DNAI3: variants seen among roughly 807,000 people sequenced by gnomAD.
DNAI3 encodes dynein axonemal intermediate chain 3, also known as WD repeat domain 63.
In DNAI3, 83 loss-of-function variants were observed where a neutral mutation model predicts 115.5. That is an observed-to-expected ratio of 0.72 (90% CI 0.60 to 0.86). The LOEUF is 0.86. DNAI3 is among the 40% of genes least tolerant of loss of function. The probability of loss-of-function intolerance (pLI) is 0.00; values close to 1 mark genes in which losing one functional copy is unlikely to be tolerated. For synonymous variants in DNAI3, 320 were observed against 347.0 expected (o/e 0.92, Z 0.86); for missense variants, 1,004 against 1,075.8 (o/e 0.93, Z 0.93).
intron 7 of DNAI3, among the ~76,000 whole-genome samples, 156 bp downstream of exon 7, chr1:85,086,186 A>G (rs531496512): frequency 3.3e-4 from 50 of 152,364 alleles, no homozygotes; most frequent in Non-Finnish European, 6.3e-4. Context: ...GGAAGATCTA[A>G]TTATATTCAA....
intron 8 of DNAI3, among the ~76,000 whole-genome samples, chr1:85,092,617 C>T (rs1655011156): frequency 6.6e-6 from 1 of 152,090 alleles, no homozygotes; most frequent in African/African-American, 2.4e-5. Flanking sequence ...GCCTGTCAAA[C>T]CAAGGTCCCT....
At chr1:85,070,296 C>T (rs1654229662) in intron 1 of DNAI3, among the ~76,000 whole-genome samples, 1 of 152,116 alleles carries the variant, frequency 6.6e-6, no homozygotes, top group East Asian at 1.9e-4. Flanking sequence ...TCCTGCCTTC[C>T]TAGGTAAAGT....
chr1:85,119,644 C>T (rs143570818), intron 17 of DNAI3, among the ~76,000 whole-genome samples: 1 of 152,246 alleles, frequency 6.6e-6, no homozygotes, highest in East Asian at 1.9e-4. Flanking sequence ...TATCTCTCTG[C>T]CTTATCTGCA....
Position 85,132,980 on chromosome 1 carries a change from A to G in DNAI3, c.2658A>G (p.Ser886=), listed in dbSNP as rs1172854639. Reference sequence around the variant, plus strand: ...TAATCAAAGTCACAGAGAAGGGGTCATACATGGAGGTGATGTAAAAAAGCT... The same window carrying G: ...TAATCAAAGTCACAGAGAAGGGGTCGTACATGGAGGTGATGTAAAAAAGCT... ...LGLIKVTEKG[S]YMEVM is the part of the protein sequence containing the mutation. The change falls in exon 23 of 23, where the codon TCA becomes TCG. Residue 886 remains serine (S), a synonymous_variant. Transcript: ENST00000294664. 1.2e-6 allele frequency: 2 copies of G among 1,613,054 alleles called. No homozygotes were observed. The highest frequency in any genetic ancestry group is 2.2e-5 in the East Asian group (1 of 44,778).
intron 13 of DNAI3, 95 bp from the exon 14 acceptor site, chr1:85,104,429 C>G: frequency 1.8e-6 from 2 of 1,132,444 alleles, no homozygotes. Flanking sequence ...CCGGTATGTT[C>G]TTTTATTAAC....
intron 3 of DNAI3, 29 bp downstream of exon 3, chr1:85,073,121 A>G (rs1377264514): frequency 6.7e-7 from 1 of 1,491,924 alleles, no homozygotes; most frequent in Admixed American, 2.0e-5. Flanking sequence ...TACAACTTAC[A>G]TCCTCAGTTT....
chr1:85,089,813 G>A (rs1654919450), intron 7 of DNAI3, among the ~76,000 whole-genome samples: 1 of 152,094 alleles, frequency 6.6e-6, no homozygotes, highest in South Asian at 2.1e-4. Context: ...ACGAATCTGG[G>A]TGAAGGGTGT....
Position 85,130,058 on chromosome 1 carries a change from A to C in DNAI3, c.2478A>C (p.Lys826Asn), listed in dbSNP as rs777411997. The part of the protein sequence containing the change: ...KHLEYVEQRK[K>N]IREQEKKEME... ...TGGAATACGTAGAACAGCGCAAAAA[A>C]ATTCGTGAGCAAGAAAAGAAAGAAA... Residue 826 changes from lysine (K) to asparagine (N), a missense_variant, in exon 22 of 23, where the codon AAA becomes AAC. This residue lies in a region of DNAI3 where 429 missense variants were observed against 454.3 expected (regional missense o/e 0.94). Transcript: ENST00000294664. 6.2e-7 allele frequency: 1 copy of C among 1,614,022 alleles called. No homozygotes were observed. The highest frequency in any genetic ancestry group is 2.2e-5 in the East Asian group (1 of 44,876).
chr1:85,116,435 C>T (rs1443037305), intron 16 of DNAI3, among the ~76,000 whole-genome samples: 1 of 152,304 alleles, frequency 6.6e-6, no homozygotes, highest in Non-Finnish European at 1.5e-5. Context: ...GACCAGAAGT[C>T]TCCACACTTT....
chr1:85,089,884 A>G (rs1654920958), intron 7 of DNAI3, among the ~76,000 whole-genome samples: 1 of 152,190 alleles, frequency 6.6e-6, no homozygotes, highest in South Asian at 2.1e-4. Flanking sequence ...TTTCTAGGTA[A>G]AAATTTTACA....
rs1557729061 is a variant in DNAI3, at chr1:85,128,789, C to T, written c.2399C>T (p.Ser800Phe). 1 of 1,612,700 alleles carries T rather than the reference C, an allele frequency of 6.2e-7. No individual in the cohort carries two copies. Among genetic ancestry groups the T allele is most frequent in the East Asian group, 2.2e-5 (1 of 44,834 alleles). ...LEIPWTLSRP[S>F]TNEMASVNHY... The stretch of plus-strand genomic sequence containing the variant: ...ATTCCTTGGACATTAAGTCGCCCTT[C>T]CACCAATGAGGTTAGTAACTAACTT... The change falls in exon 21 of 23, where the codon TCC (serine) becomes TTC (phenylalanine). Residue 800 changes from serine (S) to phenylalanine (F), a missense_variant. Around this residue, in one of 3 missense-constraint regions of DNAI3, gnomAD observed 429 missense variants for 454.3 expected, o/e 0.94. Transcript: ENST00000294664.
At position 85,096,013 on chromosome 1, in the gene DNAI3, A is replaced by G. The variant is rs1571176310; in HGVS notation, c.1256A>G (p.Asn419Ser). Reference sequence around the variant, plus strand: ...AATATCATTGCTGGAGGCTGTATCAATGGGCAGGTACTTAACAGAATTTTT... The same window carrying G: ...AATATCATTGCTGGAGGCTGTATCAGTGGGCAGGTACTTAACAGAATTTTT... Reference protein sequence around the residue: ...DPNIIAGGCINGQIVMWDITA... With the variant: ...DPNIIAGGCISGQIVMWDITA... Residue 419 changes from asparagine (N) to serine (S), a missense_variant, in exon 11 of 23, where the codon AAT (asparagine) becomes AGT (serine). Physicochemically the swap from Asn to Ser is conservative, Grantham distance 46. Transcript: ENST00000294664. 3.1e-6 allele frequency: 5 copies of G among 1,613,724 alleles called. No individual in the cohort carries two copies. Among genetic ancestry groups the G allele is most frequent in the Non-Finnish European group, 2.5e-6 (3 of 1,179,752 alleles).
intron 5 of DNAI3, among the ~76,000 whole-genome samples, chr1:85,082,681 A>G (rs1252011760): frequency 6.6e-6 from 1 of 152,180 alleles, no homozygotes; most frequent in African/African-American, 2.4e-5. Context: ...GATTAGCAGA[A>G]GGAAGCAGAA....
intron 22 of DNAI3, among the ~76,000 whole-genome samples, chr1:85,132,587 G>A (rs1571208361): frequency 1.3e-5 from 2 of 152,080 alleles, no homozygotes; most frequent in South Asian, 2.1e-4. Context: ...TCTACATAAG[G>A]GAAACAAGAG....
intron 5 of DNAI3, among the ~76,000 whole-genome samples, chr1:85,083,873 G>A (rs948302950): frequency 3.3e-5 from 5 of 151,724 alleles, no homozygotes; most frequent in African/African-American, 1.2e-4. Flanking sequence ...ATATATTTAT[G>A]TTCTACAATA....
intron 14 of DNAI3, among the ~76,000 whole-genome samples, chr1:85,105,522 C>A (rs1571185950): frequency 9.3e-6 from 1 of 107,366 alleles, no homozygotes. Flanking sequence ...GAGTGAAACT[C>A]TGTCTCAAAA....
intron 14 of DNAI3, among the ~76,000 whole-genome samples, chr1:85,105,233 A>G (rs1437346439): frequency 6.6e-6 from 1 of 152,190 alleles, no homozygotes; most frequent in Non-Finnish European, 1.5e-5. Context: ...AAGTGATGTT[A>G]GTAGCAGCCA....
At chr1:85,117,606 C>T in intron 16 of DNAI3, 123 bp from the exon 17 acceptor site, 2 of 1,314,518 alleles carry the variant, frequency 1.5e-6, no homozygotes, top group East Asian at 2.3e-5. Flanking sequence ...GACTTATGCT[C>T]ACTACATTGG....
At chr1:85,126,426 G>T (rs1414934362) in intron 19 of DNAI3, 85 bp from the exon 20 acceptor site, 4 of 1,399,418 alleles carry the variant, frequency 2.9e-6, no homozygotes, top group Non-Finnish European at 3.9e-6. Flanking sequence ...GCTAGCTTGA[G>T]TTGTACTTAA....
Sources: allele counts gnomAD v4.1 joint callset (sites outside exome capture counted in the v4.1 genomes callset), GRCh38; gene constraint gnomAD v4.1.1; regional missense constraint gnomAD v4.1.1; transcripts MANE v1.5; gene names NCBI Gene and HGNC (gene_info 2026-07-23, HGNC 2026-07-21).